Variants in CD48 observed in about 807,000 individuals in gnomAD.
CD48 encodes CD48 antigen.
A neutral mutation model predicts 22.0 loss-of-function variants in CD48; 20 were observed. The ratio of observed to expected loss-of-function variants is 0.91; its 90% CI spans 0.64 to 1.32. The LOEUF (loss-of-function observed/expected upper bound fraction) is 1.32, where lower values mean the gene tolerates loss of function less well. Among genes scored for constraint, CD48 ranks in the 40% most tolerant of loss-of-function variants. CD48 has a pLI of 0.00. For synonymous variants in CD48, 110 were observed against 110.1 expected, an observed-to-expected ratio of 1.00 and a Z score of 0.01; for missense variants, 307 against 286.5, an observed-to-expected ratio of 1.07 and a Z score of -0.52.
intron 1 of CD48, among the ~76,000 whole-genome samples, chr1:160,708,643 G>A (rs1662861056): frequency 1.3e-5 from 2 of 152,162 alleles, no homozygotes; most frequent in Non-Finnish European, 2.9e-5. Context: ...TAGAATTCTG[G>A]CCTGAGCAAC....
intron 1 of CD48, among the ~76,000 whole-genome samples, chr1:160,693,247 T>G (rs1662291959): frequency 6.6e-6 from 1 of 152,270 alleles, no homozygotes; most frequent in Non-Finnish European, 1.5e-5. Flanking sequence ...ACCCTGATTT[T>G]GTGGCAAGGC....
At chr1:160,700,597 ATTCT>A (rs1317683815) in intron 1 of CD48, among the ~76,000 whole-genome samples, 3 of 152,132 alleles carry the variant, frequency 2.0e-5, no homozygotes, top group Admixed American at 6.6e-5. Flanking sequence ...GGCAGTCTGG[ATTCT>A]TTCTTCTACA....
intron 1 of CD48, among the ~76,000 whole-genome samples, chr1:160,705,618 C>G (rs898696326): frequency 6.6e-6 from 1 of 152,184 alleles, no homozygotes; most frequent in Non-Finnish European, 1.5e-5. Context: ...TTGGAGCATA[C>G]AGCCTAGGAG....
In CD48 at chr1:160,679,097, C is replaced by A. The variant is rs1175651461; in HGVS notation, c.687G>T (p.Trp229Cys). The change falls in exon 4 of 4, where the codon TGG (tryptophan) becomes TGT (cysteine). Residue 229 changes from tryptophan to cysteine, a missense_variant. By Grantham distance (215) the Trp-to-Cys change is radical. Coordinates refer to ENST00000368046, the MANE Select transcript of CD48 (RefSeq NM_001778.4). ...GAATGGTGGGCACCGTGACCACTAGCCAACTTGCAATCCATTCTACTCCAA... is the reference window on the plus strand; with the variant it reads ...GAATGGTGGGCACCGTGACCACTAGACAACTTGCAATCCATTCTACTCCAA... ...RSFGVEWIAS[W>C]LVVTVPTILG... The A allele has an allele frequency of 1.2e-6, 2 of 1,614,076 alleles. No homozygotes were observed. The highest frequency in any genetic ancestry group is 2.2e-5 in the South Asian group (2 of 91,070).
rs1215494270 is a variant in CD48 at position 160,711,753 on chromosome 1, C to T, written c.11G>A (p.Arg4Lys). 4 of 1,613,234 alleles carry T rather than the reference C, an allele frequency of 2.5e-6. No homozygotes were observed. The highest frequency in any genetic ancestry group is 3.4e-6 in the Non-Finnish European group (4 of 1,179,458). The change falls in exon 1 of 4, where the codon AGA (arginine) becomes AAA (lysine). Residue 4 changes from arginine to lysine, a missense_variant. Coordinates refer to ENST00000368046, the MANE Select transcript of CD48 (RefSeq NM_001778.4). ...CAGAGCCAGACACGAATCCCAACCT[C>T]TGGAGCACATGCTTCCTTCCAGAAC... MCS[R>K]GWDSCLALEL...
intron 1 of CD48, among the ~76,000 whole-genome samples, chr1:160,693,053 A>G (rs1023739249): frequency 5.3e-5 from 8 of 152,284 alleles, no homozygotes; most frequent in Non-Finnish European, 1.2e-4. Context: ...TCCAGTTAAC[A>G]TAGATGCAGA....
At chr1:160,687,658 G>A (rs1276165563) in intron 1 of CD48, among the ~76,000 whole-genome samples, 1 of 152,154 alleles carries the variant, frequency 6.6e-6, no homozygotes, top group Non-Finnish European at 1.5e-5. Context: ...AATGTGCCAT[G>A]GCAATGAAGG....
intron 3 of CD48, among the ~76,000 whole-genome samples, chr1:160,679,659 A>G (rs1411122918): frequency 6.6e-6 from 1 of 152,206 alleles, no homozygotes; most frequent in Non-Finnish European, 1.5e-5. Context: ...GAGAAAATAA[A>G]AAAAAGGAAT....
intron 1 of CD48, among the ~76,000 whole-genome samples, chr1:160,691,121 T>G (rs1246658379): frequency 6.6e-6 from 1 of 152,122 alleles, no homozygotes; most frequent in Non-Finnish European, 1.5e-5. Flanking sequence ...CCAGGTATTG[T>G]CCAAGGTTTC....
chr1:160,700,067 C>T (rs1476932430), intron 1 of CD48, among the ~76,000 whole-genome samples: 1 of 152,118 alleles, frequency 6.6e-6, no homozygotes, highest in Non-Finnish European at 1.5e-5. Flanking sequence ...GTAATCACAG[C>T]AATTAACTCC....
At chr1:160,681,121 G>A (rs767361486) in intron 3 of CD48, 81 bp downstream of exon 3, 1 of 1,606,410 alleles carries the variant, frequency 6.2e-7, no homozygotes, top group Admixed American at 1.7e-5. Context: ...CAAGGAGGCT[G>A]AATAGGACCC....
intron 3 of CD48, chr1:160,680,973 C>G: frequency 4.2e-6 from 6 of 1,434,796 alleles, no homozygotes; most frequent in Non-Finnish European, 5.4e-6. Context: ...AGATCTCTCC[C>G]AAACGTCCTT....
At chr1:160,684,500 C>A (rs1381367792) in intron 2 of CD48, 3 of 457,324 alleles carry the variant, frequency 6.6e-6, no homozygotes, top group East Asian at 8.1e-5. Context: ...ATAACTCCTG[C>A]CCCATTCTTT....
At chr1:160,706,263 G>A (rs1036069251) in intron 1 of CD48, among the ~76,000 whole-genome samples, 1 of 151,896 alleles carries the variant, frequency 6.6e-6, no homozygotes, top group Admixed American at 6.6e-5. Flanking sequence ...TAGTAGATAC[G>A]GGGTTTCACC....
chr1:160,702,839 G>A (rs1276730501), intron 1 of CD48, among the ~76,000 whole-genome samples: 2 of 152,114 alleles, frequency 1.3e-5, no homozygotes, highest in African/African-American at 4.8e-5. Context: ...CAGAATGCAT[G>A]GCCATTTTAC....
At position 160,678,967 on chromosome 1, in the gene CD48, C is replaced by T. The variant is rs1383879388; in HGVS notation, c.*85G>A. On this transcript the variant is annotated 3_prime_UTR_variant, in exon 4 of 4. Coordinates refer to ENST00000368046, the MANE Select transcript of CD48 (RefSeq NM_001778.4). ...GCAGCATGCTTCTGGTCAGCCTATA[C>T]AGTCTCTGTCCTGGTGAGGAGCATG... 2 of 972,450 alleles carry T rather than the reference C, an allele frequency of 2.1e-6. No homozygotes were observed. The highest frequency in any genetic ancestry group is 3.3e-6 in the Non-Finnish European group (2 of 597,534). 60.2% of individuals were successfully genotyped at this position (972,450 alleles called of 1,614,324 possible).
chr1:160,710,996 A>C (rs1485310302), intron 1 of CD48, among the ~76,000 whole-genome samples: 1 of 152,238 alleles, frequency 6.6e-6, no homozygotes, highest in Non-Finnish European at 1.5e-5. Flanking sequence ...GTACTGGATG[A>C]AGAAAGAGGG....
At chr1:160,696,277 T>C (rs1369916868) in intron 1 of CD48, among the ~76,000 whole-genome samples, 15 of 151,836 alleles carry the variant, frequency 9.9e-5, no homozygotes, top group African/African-American at 3.7e-4. Flanking sequence ...AGATTCTGCA[T>C]ATGTAGTACA....
intron 2 of CD48, chr1:160,683,646 G>A (rs980896672): frequency 6.6e-6 from 1 of 152,086 alleles, no homozygotes; most frequent in Non-Finnish European, 1.5e-5. Flanking sequence ...GAGTTAGAAG[G>A]GGAATCTGAC....
Sources: allele counts gnomAD v4.1 joint callset (sites outside exome capture counted in the v4.1 genomes callset), GRCh38; gene constraint gnomAD v4.1.1; transcripts MANE v1.5; gene names NCBI Gene and HGNC (gene_info 2026-07-23, HGNC 2026-07-21).